EPB41L3: variants seen among roughly 807,000 people sequenced by gnomAD.
The protein encoded by EPB41L3 is band 4.1-like protein 3.
A neutral mutation model predicts 127.1 loss-of-function variants in EPB41L3; 57 were observed. The ratio of observed to expected loss-of-function variants is 0.45; its 90% CI spans 0.36 to 0.56. The LOEUF (loss-of-function observed/expected upper bound fraction) is 0.56. EPB41L3 is among the 20% of genes least tolerant of loss of function. The pLI, the probability that EPB41L3 is intolerant of heterozygous loss-of-function variation, is 0.00. For missense variants in EPB41L3, 1,273 were observed against 1,372.2 expected (o/e 0.93, Z 1.14); for synonymous variants, 572 against 549.5 (o/e 1.04, Z -0.57).
chr18:5,407,514 G>A (rs948304169), intron 15 of EPB41L3, among the ~76,000 whole-genome samples, 187 bp downstream of exon 15: 1 of 152,126 alleles, frequency 6.6e-6, no homozygotes, highest in Non-Finnish European at 1.5e-5. Context: ...TGAAAAAAGT[G>A]GAGAAGAAAG....
intron 3 of EPB41L3, among the ~76,000 whole-genome samples, chr18:5,449,822 T>C (rs890595183): frequency 2.6e-5 from 4 of 152,228 alleles, no homozygotes; most frequent in African/African-American, 7.2e-5. Context: ...CAGATAGTAG[T>C]GAATGCTACA....
chr18:5,439,950 A>G (rs2080429117), intron 5 of EPB41L3, among the ~76,000 whole-genome samples: 1 of 152,240 alleles, frequency 6.6e-6, no homozygotes, highest in African/African-American at 2.4e-5. Context: ...TAGCAATGTA[A>G]TTATACAATC....
chr18:5,480,419 TGGGTATTATTACCCTCATTTGCATATAA>T (rs2088206294), intron 2 of EPB41L3, among the ~76,000 whole-genome samples: 1 of 152,218 alleles, frequency 6.6e-6, no homozygotes, highest in South Asian at 2.1e-4. Flanking sequence ...CTCTATGGTA[TGGGTATTATTACCCTCATTTGCATATAA>T]GGAGAGAGAG....
chr18:5,562,881 G>T (rs76861862), intron 3 of EPB41L3, among the ~76,000 whole-genome samples: 2 of 152,210 alleles, frequency 1.3e-5, no homozygotes, highest in African/African-American at 4.8e-5. Context: ...ACTTAGTAAT[G>T]TACAGTATTA....
At chr18:5,431,877 T>C (rs1274316066) in intron 8 of EPB41L3, among the ~76,000 whole-genome samples, 1 of 152,188 alleles carries the variant, frequency 6.6e-6, no homozygotes, top group Non-Finnish European at 1.5e-5. Flanking sequence ...ATAGAAAACA[T>C]CTTTGTTATC....
At chr18:5,554,797 CAT>C (rs35043958) in intron 3 of EPB41L3, among the ~76,000 whole-genome samples, 81,601 of 151,948 alleles carry the variant, frequency 0.54, 24,399 homozygotes, top group Non-Finnish European at 0.66. Context: ...CCTCTTTGCT[CAT>C]GTGTACAAAC....
In EPB41L3 at chr18:5,393,654, C is replaced by T. The variant is rs76961894; in HGVS notation, c.*7-176G>A. On this transcript the variant is annotated intron_variant, in intron 22 of 22. Transcript: ENST00000341928. Reference sequence around the variant, plus strand: ...GCTTTCTCTTAAGTAATTACAACAACGCCCAAGTGGCTGAAGCTCATGGAA... The same window carrying T: ...GCTTTCTCTTAAGTAATTACAACAATGCCCAAGTGGCTGAAGCTCATGGAA... 2.5e-3 allele frequency: 1,172 copies of T among 473,476 alleles called. 12 individuals carry two copies. The highest frequency in any genetic ancestry group is 0.02 in the African/African-American group (989 of 49,922). The allele number at this position is 473,476 out of a possible 1,614,324, so 29.3% of individuals were successfully genotyped here. A position where few individuals can be genotyped will look rare whatever the true frequency, so the allele number is the denominator to read the frequency against.
Position 5,549,871 on chromosome 18 carries a change from C to T in EPB41L3, c.-305-60710G>A, listed in dbSNP as rs539411267. 3.0e-4 allele frequency among the ~76,000 whole-genome samples: 46 copies of T among 152,286 alleles called. No individual in the cohort carries two copies. The South Asian group carries it at 9.3e-3, about 31-fold the overall frequency. On this transcript the variant is annotated intron_variant, in intron 3 of 21. Coordinates refer to the EPB41L3 transcript ENST00000545076. Reference sequence around the variant, plus strand: ...AAAACGGGTGGAAAAACAGCCCACTCAGACATATACGAGAGCTGAACTGAA... The same window carrying T: ...AAAACGGGTGGAAAAACAGCCCACTTAGACATATACGAGAGCTGAACTGAA...
intron 2 of EPB41L3, among the ~76,000 whole-genome samples, chr18:5,484,843 A>G (rs1482857287): frequency 6.6e-6 from 1 of 152,004 alleles, no homozygotes; most frequent in Non-Finnish European, 1.5e-5. Context: ...AAGCTATAAT[A>G]AAAAGTCTTC....
intron 1 of EPB41L3, among the ~76,000 whole-genome samples, chr18:5,523,695 G>T (rs1297588095): frequency 6.6e-6 from 1 of 152,034 alleles, no homozygotes; most frequent in African/African-American, 2.4e-5. Flanking sequence ...TGAGGCAGGA[G>T]AATCACTTGA....
chr18:5,478,192 C>T, intron 3 of EPB41L3, 49 bp downstream of exon 3: 1 of 1,536,546 alleles, frequency 6.5e-7, no homozygotes, highest in Non-Finnish European at 9.0e-7. Context: ...TACCAACATT[C>T]CCCAGCTCTC....
intron 14 of EPB41L3, among the ~76,000 whole-genome samples, chr18:5,409,255 T>TG (rs1270950273): frequency 2.0e-5 from 3 of 152,206 alleles, no homozygotes; most frequent in Non-Finnish European, 4.4e-5. Context: ...GGTACTCCCT[T>TG]GCATGCTTTA....
intron 1 of EPB41L3, among the ~76,000 whole-genome samples, chr18:5,523,245 T>A (rs949056905): frequency 6.6e-6 from 1 of 152,188 alleles, no homozygotes; most frequent in African/African-American, 2.4e-5. Flanking sequence ...ACTCAAATCA[T>A]CCATAATGGT....
intron 11 of EPB41L3, among the ~76,000 whole-genome samples, chr18:5,422,859 T>C (rs763883090): frequency 2.6e-5 from 4 of 152,206 alleles, no homozygotes; most frequent in East Asian, 3.8e-4. Context: ...TTAGCACAAC[T>C]AGGAGAATTT....
chr18:5,399,288 C>T (rs2074104878), intron 16 of EPB41L3: 1 of 399,104 alleles, frequency 2.5e-6, no homozygotes, highest in Non-Finnish European at 4.4e-6. Context: ...ACCAGTTTTA[C>T]TGCTCACGGT....
At chr18:5,527,078 G>C (rs528075778) in intron 1 of EPB41L3, among the ~76,000 whole-genome samples, 7 of 151,468 alleles carry the variant, frequency 4.6e-5, no homozygotes, top group African/African-American at 9.7e-5. Flanking sequence ...GGGCAGGCCA[G>C]ATGGTATATC....
chr18:5,475,006 A>G (rs755419421), intron 3 of EPB41L3, among the ~76,000 whole-genome samples: 1 of 152,176 alleles, frequency 6.6e-6, no homozygotes. Context: ...TTTTCTTTTT[A>G]TACATAAAAG....
chr18:5,630,406 C>T (rs995666473), upstream of EPB41L3: 2 of 518,714 alleles, frequency 3.9e-6, no homozygotes, highest in African/African-American at 3.9e-5. Flanking sequence ...CTTTGGGGCC[C>T]CTCCCGGAGC....
rs563533149 is a variant in EPB41L3, at chr18:5,474,494, G to A, written c.381+3747C>T. 3.9e-5 allele frequency among the ~76,000 whole-genome samples: 6 copies of A among 152,206 alleles called. No homozygotes were observed. The East Asian group carries it at 9.7e-4, about 25-fold the overall frequency. On this transcript the variant is annotated intron_variant, in intron 3 of 22. Transcript: ENST00000341928. ...GTGTGTGTGTGGAGGTGTGTTGCCA[G>A]GGAGTCTTTTACAGGTGACTATAAA...
Sources: allele counts gnomAD v4.1 joint callset (sites outside exome capture counted in the v4.1 genomes callset), GRCh38; gene constraint gnomAD v4.1.1; transcripts MANE v1.5; gene names NCBI Gene and HGNC (gene_info 2026-07-23, HGNC 2026-07-21).